Variants in TLL1 observed in about 807,000 individuals in gnomAD.
TLL1 encodes tolloid-like protein 1.
A neutral mutation model predicts 128.2 loss-of-function variants in TLL1; 49 were observed. The observed-to-expected ratio is 0.38, with a 90% CI of 0.30 to 0.48. TLL1 has a LOEUF of 0.48. Among genes scored for constraint, TLL1 ranks in the 20% least tolerant of loss-of-function variants. TLL1 has a pLI of 0.96. For missense variants in TLL1, 1,123 were observed against 1,242.0 expected, an observed-to-expected ratio of 0.90 and a Z score of 1.44; for synonymous variants, 454 against 418.8, an observed-to-expected ratio of 1.08 and a Z score of -1.03.
chr4:166,055,370 A>G, intron 13 of TLL1, 99 bp downstream of exon 13: 2 of 1,039,234 alleles, frequency 1.9e-6, no homozygotes, highest in Non-Finnish European at 2.9e-6. Context: ...GTTGTATTGA[A>G]AGTTGAATAT....
rs566855418 is a variant in TLL1, at chr4:165,925,812, C to T, written c.169+51739C>T. On this transcript the variant is annotated intron_variant, in intron 1 of 20. Transcript: ENST00000061240. ...AAATTGTCACAACTACCCCAACCTTCAGCAACCACCACCTTGATTAGTCAG... is the reference window on the plus strand; with the variant it reads ...AAATTGTCACAACTACCCCAACCTTTAGCAACCACCACCTTGATTAGTCAG... 1.1e-3 allele frequency among the ~76,000 whole-genome samples: 169 copies of T among 152,324 alleles called. 1 individual carries two copies. Among genetic ancestry groups the T allele is most frequent in the African/African-American group, 3.6e-3 (151 of 41,574 alleles).
At chr4:166,062,495 T>C (rs1347833948) in intron 15 of TLL1, among the ~76,000 whole-genome samples, 1 of 152,202 alleles carries the variant, frequency 6.6e-6, no homozygotes, top group Non-Finnish European at 1.5e-5. Flanking sequence ...GAATGGAAGT[T>C]CACTCATGAT....
At chr4:165,953,539 A>G (rs544470033) in intron 1 of TLL1, among the ~76,000 whole-genome samples, 27 of 148,878 alleles carry the variant, frequency 1.8e-4, no homozygotes, top group African/African-American at 6.3e-4. Context: ...AGAGATGTTA[A>G]CTGCAGTGGT....
chr4:166,075,492 GT>G (rs1373171543), intron 17 of TLL1, among the ~76,000 whole-genome samples: 4 of 152,138 alleles, frequency 2.6e-5, no homozygotes, highest in African/African-American at 7.2e-5. Flanking sequence ...GTCATTTAAA[GT>G]TTTAAGTCAT....
At chr4:165,878,649 T>C (rs1730827556) in intron 1 of TLL1, among the ~76,000 whole-genome samples, 2 of 152,124 alleles carry the variant, frequency 1.3e-5, no homozygotes, top group South Asian at 2.1e-4. Flanking sequence ...TTTTTGTTTG[T>C]TTACATAGTC....
intron 12 of TLL1, among the ~76,000 whole-genome samples, chr4:166,050,439 A>G (rs1739657968): frequency 6.6e-6 from 1 of 152,186 alleles, no homozygotes; most frequent in South Asian, 2.1e-4. Flanking sequence ...TGTGCTTTCA[A>G]TTCTTTGGGG....
chr4:165,916,660 A>G (rs966824786), intron 1 of TLL1, among the ~76,000 whole-genome samples: 3 of 152,184 alleles, frequency 2.0e-5, no homozygotes, highest in African/African-American at 4.8e-5. Flanking sequence ...AAAATATTAT[A>G]TGGGAAAAAA....
chr4:166,042,151 A>G lies in TLL1; in HGVS notation c.1378+8A>G. The G allele has an allele frequency of 6.3e-7, 1 of 1,578,120 alleles. No homozygotes were observed. Among genetic ancestry groups the G allele is most frequent in the Non-Finnish European group, 8.7e-7 (1 of 1,148,092 alleles). Reference sequence around the variant, plus strand: ...TTGCAGCTGTCTATGAAGGTAAGTCACATTGAATTTTAGAGAGTAGTTCAT... The same window carrying G: ...TTGCAGCTGTCTATGAAGGTAAGTCGCATTGAATTTTAGAGAGTAGTTCAT... On this transcript the variant is annotated splice_region_variant and intron_variant, in intron 11 of 20. Coordinates refer to ENST00000061240, the MANE Select transcript of TLL1 (RefSeq NM_012464.5).
intron 19 of TLL1, among the ~76,000 whole-genome samples, chr4:166,093,994 A>G (rs1190681812): frequency 1.3e-5 from 2 of 152,142 alleles, no homozygotes; most frequent in African/African-American, 4.8e-5. Flanking sequence ...CAGCAAAGCA[A>G]TTGTTCAAGG....
rs1579743529 is a variant in TLL1, at chr4:166,099,193, GCTACACTGAAA to G, written c.2657-72_2657-62del. ...GAAACAGAAGTTAGACAATGGCTAG[GCTACACTGAAA>G]CTACACTGAAATTTAAATTGGACCC... On this transcript the variant is annotated intron_variant, in intron 19 of 20. Transcript: ENST00000061240. The G allele has an allele frequency of 5.0e-6, 8 of 1,587,862 alleles. No individual in the cohort carries two copies. The East Asian group carries it at 1.8e-4, about 36-fold the overall frequency.
At chr4:166,030,339 A>G in intron 9 of TLL1, 2 of 402,810 alleles carry the variant, frequency 5.0e-6, no homozygotes, top group Non-Finnish European at 8.8e-6. Flanking sequence ...TCTTTTGCCT[A>G]TGTTTAAATC....
At chr4:166,094,159 T>C (rs1048564176) in intron 19 of TLL1, among the ~76,000 whole-genome samples, 1 of 152,168 alleles carries the variant, frequency 6.6e-6, no homozygotes, top group Non-Finnish European at 1.5e-5. Context: ...TACATAGATA[T>C]TTGAATCCTC....
intron 1 of TLL1, among the ~76,000 whole-genome samples, chr4:165,947,836 A>G (rs762160818): frequency 6.6e-6 from 1 of 152,156 alleles, no homozygotes; most frequent in Non-Finnish European, 1.5e-5. Context: ...CTGTTAAATT[A>G]ATGCCAAACT....
chr4:166,024,835 C>G (rs1041643087), intron 8 of TLL1, among the ~76,000 whole-genome samples: 1 of 151,924 alleles, frequency 6.6e-6, no homozygotes, highest in East Asian at 1.9e-4. Flanking sequence ...TATTGTTTCA[C>G]ATTTTGATAT....
chr4:165,992,204 A>G (rs1366265625), intron 2 of TLL1, among the ~76,000 whole-genome samples: 1 of 152,020 alleles, frequency 6.6e-6, no homozygotes, highest in Non-Finnish European at 1.5e-5. Flanking sequence ...TATATTTTGC[A>G]GCTGAACATT....
At position 165,936,676 on chromosome 4, in the gene TLL1, C is replaced by T. The variant is rs146946147; in HGVS notation, c.170-52705C>T. 3.1e-3 allele frequency among the ~76,000 whole-genome samples: 473 copies of T among 151,890 alleles called. 4 individuals are homozygous for T. Among genetic ancestry groups the T allele is most frequent in the African/African-American group, 0.01 (425 of 41,426 alleles). On this transcript the variant is annotated intron_variant, in intron 1 of 20. Coordinates refer to ENST00000061240, the MANE Select transcript of TLL1 (RefSeq NM_012464.5). ...ATCTGCCGGTCATGGTGGTGTAATC[C>T]CAGCACTTTGAAAGGCTGAGGTGGG...
At chr4:166,091,068 TTA>T (rs1463753472) in intron 18 of TLL1, 58 bp from the exon 19 acceptor site, 1 of 1,448,510 alleles carries the variant, frequency 6.9e-7, no homozygotes, top group African/African-American at 1.4e-5. Context: ...GTCCCAAAAA[TTA>T]TCTCATTTTG....
Position 165,893,756 on chromosome 4 carries a change from G to A in TLL1, c.169+19683G>A, listed in dbSNP as rs115182961. ...TGTACAACTTCATAATTTATTGAGC[G>A]TCACATAGAATATTGAGAAGAGTTT... On this transcript the variant is annotated intron_variant, in intron 1 of 20. Transcript: ENST00000061240. Among the ~76,000 whole-genome samples, 1,329 of 151,880 alleles carry A rather than the reference G, an allele frequency of 8.8e-3. 21 individuals carry two copies. The highest frequency in any genetic ancestry group is 0.031 in the African/African-American group (1,264 of 41,312).
At chr4:166,024,844 A>G (rs1365222007) in intron 8 of TLL1, among the ~76,000 whole-genome samples, 1 of 152,130 alleles carries the variant, frequency 6.6e-6, no homozygotes, top group African/African-American at 2.4e-5. Context: ...ACATTTTGAT[A>G]TTACCTTTGT....
Sources: allele counts gnomAD v4.1 joint callset (sites outside exome capture counted in the v4.1 genomes callset), GRCh38; gene constraint gnomAD v4.1.1; transcripts MANE v1.5; gene names NCBI Gene and HGNC (gene_info 2026-07-23, HGNC 2026-07-21).